SWT1: variants seen among roughly 807,000 people sequenced by gnomAD.
SWT1 encodes the protein SWT1 RNA endoribonuclease homolog, also known as transcriptional protein SWT1.
Under a neutral mutation model 107.3 loss-of-function variants are expected in SWT1, and 33 were observed. The observed-to-expected ratio is 0.31, with a 90% CI of 0.23 to 0.41. The LOEUF is 0.41. Among genes scored for constraint, SWT1 ranks in the 10% least tolerant of loss-of-function variants. The pLI, the probability that SWT1 is intolerant of heterozygous loss-of-function variation, is 1.00. For synonymous variants in SWT1, 345 were observed against 348.3 expected, an observed-to-expected ratio of 0.99 and a Z score of 0.11; for missense variants, 898 against 1,028.9, an observed-to-expected ratio of 0.87 and a Z score of 1.74.
intron 15 of SWT1, among the ~76,000 whole-genome samples, chr1:185,228,863 G>A (rs1230217400): frequency 6.6e-6 from 1 of 152,140 alleles, no homozygotes; most frequent in Non-Finnish European, 1.5e-5. Flanking sequence ...GTTTCAGATA[G>A]AAGAATAGAA....
intron 3 of SWT1, among the ~76,000 whole-genome samples, chr1:185,167,448 G>A (rs188981520): frequency 6.6e-6 from 1 of 152,312 alleles, no homozygotes; most frequent in African/African-American, 2.4e-5. Flanking sequence ...CATAGTTGTG[G>A]TGGGTATAAG....
At chr1:185,189,353 TG>T (rs1448122503) in intron 9 of SWT1, among the ~76,000 whole-genome samples, 1 of 152,188 alleles carries the variant, frequency 6.6e-6, no homozygotes, top group Non-Finnish European at 1.5e-5. Context: ...GAGGGTACCC[TG>T]TCAGCAGCTG....
chr1:185,180,265 A>G, intron 5 of SWT1, 126 bp from the exon 6 acceptor site: 2 of 710,584 alleles, frequency 2.8e-6, no homozygotes, highest in South Asian at 1.7e-5. Context: ...GCTGCTAACC[A>G]TCCTGCAATA....
chr1:185,241,627 G>T (rs1661260325), intron 16 of SWT1, among the ~76,000 whole-genome samples: 1 of 152,020 alleles, frequency 6.6e-6, no homozygotes. Flanking sequence ...CTCCAGGGCA[G>T]AAACTGTCTT....
chr1:185,257,324 T>C (rs61824144), intron 16 of SWT1, among the ~76,000 whole-genome samples: 2,771 of 152,042 alleles, frequency 0.018, 33 homozygotes, highest in African/African-American at 0.032. Context: ...TCGAGCTTCC[T>C]GGCTGCTTTG....
intron 9 of SWT1, among the ~76,000 whole-genome samples, chr1:185,188,029 A>T (rs1399319575): frequency 6.6e-6 from 1 of 152,158 alleles, no homozygotes; most frequent in Non-Finnish European, 1.5e-5. Context: ...TGGTACTTTT[A>T]AGCATTCACT....
chr1:185,186,785 G>A (rs538845737), intron 9 of SWT1, among the ~76,000 whole-genome samples: 2 of 148,162 alleles, frequency 1.3e-5, no homozygotes, highest in Non-Finnish European at 3.0e-5. Context: ...ATGGAGTCTC[G>A]CTCCCGTCAC....
At chr1:185,195,139 C>G (rs1046964039) in intron 10 of SWT1, among the ~76,000 whole-genome samples, 2 of 152,144 alleles carry the variant, frequency 1.3e-5, no homozygotes, top group African/African-American at 2.4e-5. Context: ...CTAATGCTAT[C>G]CTTCCCCTAT....
rs201633924 is a variant in SWT1, at chr1:185,245,943, A to AT, written c.2441+14240dup. Among the ~76,000 whole-genome samples the AT allele has an allele frequency of 4.6e-3, 690 of 151,240 alleles. 13 individuals are homozygous for AT. The highest frequency in any genetic ancestry group is 0.036 in the Admixed American group (544 of 15,190). On this transcript the variant is annotated intron_variant, in intron 16 of 18. Coordinates refer to ENST00000367500, the MANE Select transcript of SWT1 (RefSeq NM_017673.7). ...ACCATCATGCCTGGCTAATTTTTGT[A>AT]TTTTTGTATAGAGGGGGTTTTACCA...
chr1:185,237,003 A>G (rs111704270), intron 16 of SWT1, among the ~76,000 whole-genome samples: 45,374 of 152,152 alleles, frequency 0.3, 7,172 homozygotes, highest in Non-Finnish European at 0.36. Flanking sequence ...CAAAAGCACA[A>G]TGAGATACTA....
chr1:185,187,792 G>A (rs1329297473), intron 9 of SWT1, among the ~76,000 whole-genome samples: 19 of 152,176 alleles, frequency 1.2e-4, no homozygotes, highest in Admixed American at 9.8e-4. Flanking sequence ...TCAAGTGTGC[G>A]ATTCTCCTGC....
In SWT1 at chr1:185,277,558, G is replaced by A. The variant is rs554694862; in HGVS notation, c.2573+890G>A. Among the ~76,000 whole-genome samples the A allele has an allele frequency of 9.2e-5, 14 of 152,254 alleles. No homozygotes were observed. The South Asian group carries it at 1.9e-3, about 20-fold the overall frequency. Reference sequence around the variant, plus strand: ...ACCTGCCTCAGCCTCCCAACATGCTGGGATTACAGGCTTGAGCCACCGCAC... The same window carrying A: ...ACCTGCCTCAGCCTCCCAACATGCTAGGATTACAGGCTTGAGCCACCGCAC... On this transcript the variant is annotated intron_variant, in intron 18 of 18. Coordinates refer to ENST00000367500, the MANE Select transcript of SWT1 (RefSeq NM_017673.7).
chr1:185,220,282 C>T (rs1659555809), intron 14 of SWT1, among the ~76,000 whole-genome samples: 1 of 148,834 alleles, frequency 6.7e-6, no homozygotes, highest in Non-Finnish European at 1.5e-5. Flanking sequence ...GGCTAGAGCA[C>T]TCACTTACCT....
Position 185,174,700 on chromosome 1 carries a change from G to A in SWT1, c.553G>A (p.Glu185Lys). The A allele has an allele frequency of 6.2e-7, 1 of 1,613,472 alleles. No homozygotes were observed. Among genetic ancestry groups the A allele is most frequent in the Non-Finnish European group, 8.5e-7 (1 of 1,179,862 alleles). Residue 185 changes from glutamate to lysine, a missense_variant, in exon 5 of 19, where the codon GAA becomes AAA. Transcript: ENST00000367500. ...ACTTGTTCAGAGAGAGAAGATGAAA[G>A]AACTCAAGAAAGGAAGAAACAGTAA... ...HLLVQREKMK[E>K]LKKGRNSKFR...
At chr1:185,254,389 G>A (rs1408974059) in intron 16 of SWT1, among the ~76,000 whole-genome samples, 1 of 130,756 alleles carries the variant, frequency 7.6e-6, no homozygotes, top group Admixed American at 7.3e-5. Flanking sequence ...GTAGAATTCG[G>A]CTGTGAATCC....
In SWT1 at chr1:185,181,928, G is replaced by C. The variant is rs770605743; in HGVS notation, c.1027-18G>C. ...CAAAGTAACTCAAAATATTTCACTG[G>C]GGTCTTTTACACTTTAGATGCAGAT... On this transcript the variant is annotated intron_variant, in intron 6 of 18. Coordinates refer to ENST00000367500, the MANE Select transcript of SWT1 (RefSeq NM_017673.7). 89 of 1,612,648 alleles carry C rather than the reference G, an allele frequency of 5.5e-5. No homozygotes were observed. In the Middle Eastern group the frequency reaches 6.6e-4, roughly 12 times the overall value.
At chr1:185,261,934 G>A (rs575507601) in intron 16 of SWT1, among the ~76,000 whole-genome samples, 131 of 152,236 alleles carry the variant, frequency 8.6e-4, no homozygotes, top group African/African-American at 3.0e-3. Flanking sequence ...CTTGTAATGA[G>A]GCAGTAATAG....
intron 18 of SWT1, chr1:185,280,859 G>A (rs779239399): frequency 1.0e-4 from 45 of 440,422 alleles, no homozygotes; most frequent in Non-Finnish European, 1.9e-4. Context: ...AGAGCTGGCG[G>A]TGCAGAAGGT....
Position 185,189,232 on chromosome 1 carries a change from C to T in SWT1, c.1430-1317C>T, listed in dbSNP as rs180765335. 2.6e-3 allele frequency among the ~76,000 whole-genome samples: 390 copies of T among 152,132 alleles called. 1 individual carries two copies. The highest frequency in any genetic ancestry group is 6.9e-3 in the Admixed American group (106 of 15,262). On this transcript the variant is annotated intron_variant, in intron 9 of 18. Transcript: ENST00000367500. ...TTGGAATCCTGACTTTAAGCAATCC[C>T]GCTGCCTCAGCCTCTCAAAATGTTG...
Sources: gnomAD v4.1 joint callset for allele counts (sites outside exome capture counted in the v4.1 genomes callset) on GRCh38, gnomAD v4.1.1 for gene constraint, MANE v1.5 for transcripts, NCBI Gene and HGNC (gene_info 2026-07-23, HGNC 2026-07-21) for gene names.